Variants in NEK5 observed in about 807,000 individuals in gnomAD.
NEK5 encodes serine/threonine-protein kinase Nek5.
A neutral mutation model predicts 109.2 loss-of-function variants in NEK5; 88 were observed. The observed-to-expected ratio is 0.81, with a 90% CI of 0.68 to 0.96. The LOEUF (loss-of-function observed/expected upper bound fraction) is 0.96. Ranked by LOEUF, NEK5 falls within the 40% of genes least tolerant of loss-of-function variation. The pLI, the probability that NEK5 is intolerant of heterozygous loss-of-function variation, is 0.00. For missense variants in NEK5, 834 were observed against 920.7 expected, an observed-to-expected ratio of 0.91 and a Z score of 1.22; for synonymous variants, 283 against 299.9, an observed-to-expected ratio of 0.94 and a Z score of 0.58.
intron 15 of NEK5, among the ~76,000 whole-genome samples, chr13:52,086,682 A>C (rs1419580997): frequency 6.6e-6 from 1 of 152,154 alleles, no homozygotes; most frequent in African/African-American, 2.4e-5. Flanking sequence ...GATATGTTGA[A>C]GTCCTAACCC....
chr13:52,042,896 AT>A (rs1235664627), intron 23 of NEK5, among the ~76,000 whole-genome samples: 1 of 152,052 alleles, frequency 6.6e-6, no homozygotes, highest in Non-Finnish European at 1.5e-5. Flanking sequence ...AAGATAATAA[AT>A]AGAAAACCAA....
intron 3 of NEK5, among the ~76,000 whole-genome samples, chr13:52,119,866 C>T (rs912222662): frequency 6.6e-6 from 1 of 152,184 alleles, no homozygotes; most frequent in African/African-American, 2.4e-5. Flanking sequence ...AAGATGACTA[C>T]ATTTTTCATT....
chr13:52,127,227 C>A, intron 3 of NEK5, 139 bp downstream of exon 3: 2 of 589,662 alleles, frequency 3.4e-6, no homozygotes, highest in Non-Finnish European at 6.0e-6. Context: ...GGACAATGGA[C>A]TTAGGAGGTT....
intron 12 of NEK5, among the ~76,000 whole-genome samples, chr13:52,098,349 A>T (rs976115742): frequency 3.4e-4 from 52 of 152,200 alleles, no homozygotes; most frequent in African/African-American, 1.2e-3. Context: ...ATCGGTTTTT[A>T]AAAAAATGTT....
Position 52,127,420 on chromosome 13 carries a change from A to T in NEK5, c.63T>A (p.Ala21=). Residue 21 remains alanine, a synonymous_variant, in exon 3 of 24, where the codon GCT becomes GCA. Coordinates refer to ENST00000684899, the MANE Select transcript of NEK5 (RefSeq NM_001365552.1). ...GQGAFGKAYL[A]KGKSDSKHCV... ...AGTGCTTGCTATCTGATTTCCCTTT[A>T]GCTAAGTATGCTTTCCCGAAGGCAC... The T allele has an allele frequency of 6.2e-7, 1 of 1,613,256 alleles. No homozygotes were observed.
Position 52,035,425 on chromosome 13 carries a change from A to G in NEK5, c.*1523T>C, listed in dbSNP as rs1954351915. On this transcript the variant is annotated 3_prime_UTR_variant, in exon 24 of 24. Transcript: ENST00000684899. ...ATCGGTGAGACATTTTACTTTTATT[A>G]TAAAGCAGATATTTCAGGCAGAATT... is the stretch of plus-strand genomic sequence containing the variant. 2 of 152,178 alleles carry G rather than the reference A, an allele frequency of 1.3e-5. No homozygotes were observed. Among genetic ancestry groups the G allele is most frequent in the South Asian group, 2.1e-4 (1 of 4,830 alleles). 9.4% of individuals were successfully genotyped at this position (152,178 alleles called of 1,614,324 possible). A position where few individuals can be genotyped will look rare whatever the true frequency, so the allele number is the denominator to read the frequency against.
At chr13:52,102,656 G>A (rs1283583573) in intron 9 of NEK5, among the ~76,000 whole-genome samples, 1 of 152,180 alleles carries the variant, frequency 6.6e-6, no homozygotes, top group Non-Finnish European at 1.5e-5. Flanking sequence ...TTGCGTCACT[G>A]CACTCCAGCC....
intron 3 of NEK5, among the ~76,000 whole-genome samples, chr13:52,123,288 A>C (rs1287033844): frequency 6.6e-6 from 1 of 152,220 alleles, no homozygotes; most frequent in Non-Finnish European, 1.5e-5. Context: ...AATGAGGTCT[A>C]ATATAAGATT....
At chr13:52,068,624 T>A (rs943079408) in intron 20 of NEK5, among the ~76,000 whole-genome samples, 6 of 152,114 alleles carry the variant, frequency 3.9e-5, no homozygotes, top group Non-Finnish European at 7.3e-5. Flanking sequence ...AAACATGCCA[T>A]TTTCAGTAGA....
At chr13:52,050,761 C>A (rs1290164070) in intron 22 of NEK5, among the ~76,000 whole-genome samples, 2 of 149,426 alleles carry the variant, frequency 1.3e-5, no homozygotes, top group Non-Finnish European at 3.0e-5. Flanking sequence ...GCTTTGTCAC[C>A]CAGGCTGGAG....
At chr13:52,088,450 T>C (rs1370906896) in intron 14 of NEK5, among the ~76,000 whole-genome samples, 1 of 149,346 alleles carries the variant, frequency 6.7e-6, no homozygotes, top group Non-Finnish European at 1.5e-5. Context: ...AGACGGGCTT[T>C]CACCATGTTG....
chr13:52,069,367 T>G (rs1392117753), intron 20 of NEK5, among the ~76,000 whole-genome samples: 7 of 152,170 alleles, frequency 4.6e-5, no homozygotes, highest in Admixed American at 1.3e-4. Context: ...TCTCCAAAGT[T>G]TGTTTATATA....
rs1306740690 is a variant in NEK5 at position 52,075,814 on chromosome 13, A to G, written c.1666T>C (p.Phe556Leu). The change falls in exon 19 of 24, where the codon TTT (phenylalanine) becomes CTT (leucine). Residue 556 changes from phenylalanine (F) to leucine (L), a missense_variant. Coordinates refer to ENST00000684899, the MANE Select transcript of NEK5 (RefSeq NM_001365552.1). The part of the protein sequence containing the change: ...QKYKAKKGVK[F>L]EINLDKCISD... ...ATACATTTGTCTAAATTAATTTCAAATTTTACCCCCTTCTAGGAGAAAGCA... is the reference window on the plus strand; with the variant it reads ...ATACATTTGTCTAAATTAATTTCAAGTTTTACCCCCTTCTAGGAGAAAGCA... 1.9e-6 allele frequency: 3 copies of G among 1,552,342 alleles called. No individual in the cohort carries two copies. The highest frequency in any genetic ancestry group is 2.6e-6 in the Non-Finnish European group (3 of 1,143,438).
At chr13:52,075,140 C>T (rs1328459213) in intron 19 of NEK5, among the ~76,000 whole-genome samples, 3 of 152,160 alleles carry the variant, frequency 2.0e-5, no homozygotes, top group Admixed American at 6.5e-5. Context: ...CAAAAGAAAA[C>T]AAACCATTCT....
At chr13:52,082,247 G>A (rs1000059191) in intron 17 of NEK5, 11 of 395,308 alleles carry the variant, frequency 2.8e-5, no homozygotes, top group South Asian at 6.8e-5. Context: ...CCTGGGAGGC[G>A]GAGGTTGCGG....
rs2140864778 is a variant in NEK5 at position 52,035,687 on chromosome 13, T to C, written c.*1261A>G. 1 of 152,326 alleles carries C rather than the reference T, an allele frequency of 6.6e-6. No individual in the cohort carries two copies. Among genetic ancestry groups the C allele is most frequent in the South Asian group, 2.1e-4 (1 of 4,830 alleles). 9.4% of individuals were successfully genotyped at this position (152,326 alleles called of 1,614,324 possible). ...TGCTAATAACTATATAAGAAAATCA[T>C]TGTAAGATATAAAGACCAGATATAG... On this transcript the variant is annotated 3_prime_UTR_variant, in exon 24 of 24. Transcript: ENST00000684899.
intron 20 of NEK5, among the ~76,000 whole-genome samples, chr13:52,069,597 G>C (rs576323606): frequency 6.6e-6 from 1 of 152,238 alleles, no homozygotes; most frequent in East Asian, 1.9e-4. Flanking sequence ...TCACTACCTT[G>C]TCTCTCCCGA....
At chr13:52,052,355 G>A (rs1954513193) in intron 22 of NEK5, among the ~76,000 whole-genome samples, 1 of 152,070 alleles carries the variant, frequency 6.6e-6, no homozygotes, top group African/African-American at 2.4e-5. Flanking sequence ...TACTGGATGG[G>A]GCTACTTACT....
intron 3 of NEK5, among the ~76,000 whole-genome samples, chr13:52,121,313 C>T (rs1324160830): frequency 2.0e-5 from 3 of 152,100 alleles, no homozygotes; most frequent in Admixed American, 6.6e-5. Flanking sequence ...CAAGCACCAT[C>T]ATACCCGGCT....
Sources: allele counts gnomAD v4.1 joint callset (sites outside exome capture counted in the v4.1 genomes callset), GRCh38; gene constraint gnomAD v4.1.1; transcripts MANE v1.5; gene names NCBI Gene and HGNC (gene_info 2026-07-23, HGNC 2026-07-21).